The following PCDHGA5 variants were observed in gnomAD, a reference collection of about 807,000 sequenced individuals.
PCDHGA5 encodes the protein protocadherin gamma subfamily A, 5.
In PCDHGA5, 36 loss-of-function variants were observed where a neutral mutation model predicts 56.7. The observed-to-expected ratio is 0.64, with a 90% CI of 0.49 to 0.84. The LOEUF (loss-of-function observed/expected upper bound fraction) is 0.84, where lower values mean the gene tolerates loss of function less well. Ranked by LOEUF, PCDHGA5 falls within the 40% of genes least tolerant of loss-of-function variation. The probability of loss-of-function intolerance (pLI) is 0.00; values close to 1 mark genes in which losing one functional copy is unlikely to be tolerated. For synonymous variants in PCDHGA5, 563 were observed against 520.2 expected (o/e 1.08, Z -1.12); for missense variants, 1,305 against 1,201.5 (o/e 1.09, Z -1.27).
intron 1 of PCDHGA5, among the ~76,000 whole-genome samples, chr5:141,483,599 G>A (rs1419379218): frequency 6.6e-6 from 1 of 152,048 alleles, no homozygotes; most frequent in African/African-American, 2.4e-5. Flanking sequence ...GGTCAGGCTG[G>A]TTTACACCTC....
chr5:141,375,719 G>C (rs1478749716), intron 1 of PCDHGA5: 1 of 1,614,262 alleles, frequency 6.2e-7, no homozygotes, highest in South Asian at 1.1e-5. Flanking sequence ...TAGCAGCAAC[G>C]TGTCACTGAG....
At chr5:141,408,836 T>G in intron 1 of PCDHGA5, 1 of 1,613,680 alleles carries the variant, frequency 6.2e-7, no homozygotes, top group Non-Finnish European at 8.5e-7. Context: ...TAGCTTGATA[T>G]TGACTGCCTT....
rs751214480 is a variant in PCDHGA5, at chr5:141,485,161, G to A, written c.2422-9646G>A. ...CGTCTCAGGAGCAAGTAGAGAATTA[G>A]CGGGCGGCAGCAATGCTCCGCAAGG... On this transcript the variant is annotated intron_variant, in intron 1 of 3. Transcript: ENST00000518069. The surrounding 1 kb of genome is among the most constrained non-coding windows in gnomAD (Gnocchi z 5.7). The A allele has an allele frequency of 8.1e-6, 13 of 1,603,712 alleles. No individual in the cohort carries two copies. The Admixed American group carries it at 2.0e-4, about 25-fold the overall frequency.
intron 1 of PCDHGA5, chr5:141,421,453 T>G: frequency 1.2e-6 from 2 of 1,614,102 alleles, no homozygotes; most frequent in Middle Eastern, 1.6e-4. Context: ...GACACAGCTT[T>G]TCGCTGTGAA....
At position 141,364,245 on chromosome 5, in the gene PCDHGA5, A is replaced by G. The variant is rs1763237090; in HGVS notation, c.-86A>G. ...CCAACGCTCCACGCCCATTTTCGTC[A>G]GGGAATATGTACCCATCGGCTTTAG... On this transcript the variant is annotated 5_prime_UTR_variant, in exon 1 of 4. Coordinates refer to ENST00000518069, the MANE Select transcript of PCDHGA5 (RefSeq NM_018918.3). The G allele has an allele frequency of 1.4e-6, 2 of 1,460,650 alleles. No individual in the cohort carries two copies. The highest frequency in any genetic ancestry group is 9.1e-7 in the Non-Finnish European group (1 of 1,098,530). The allele number at this position is 1,460,650 out of a possible 1,614,324, so 90.5% of individuals were successfully genotyped here.
chr5:141,480,122 C>T (rs576224922), intron 1 of PCDHGA5, among the ~76,000 whole-genome samples: 1 of 151,948 alleles, frequency 6.6e-6, no homozygotes, highest in African/African-American at 2.4e-5. Flanking sequence ...CCTGGCATAT[C>T]ATAACTGTTA....
chr5:141,410,827 A>G lies in PCDHGA5; in HGVS notation c.2421+44076A>G. The G allele has an allele frequency of 1.4e-5, 6 of 440,972 alleles. No individual in the cohort carries two copies. The South Asian group carries it at 2.4e-4, about 18-fold the overall frequency. 27.3% of individuals were successfully genotyped at this position (440,972 alleles called of 1,614,324 possible). The stretch of plus-strand genomic sequence containing the variant: ...TCTTTTTGTAAAATAATGTCACCAG[A>G]CTGAAGATATTTTGTCTTTGTCTTT... On this transcript the variant is annotated intron_variant, in intron 1 of 3. Transcript: ENST00000518069.
In PCDHGA5 at chr5:141,385,425, T is replaced by C; in HGVS notation, c.2421+18674T>C. On this transcript the variant is annotated intron_variant, in intron 1 of 3. Coordinates refer to ENST00000518069, the MANE Select transcript of PCDHGA5 (RefSeq NM_018918.3). The stretch of plus-strand genomic sequence containing the variant: ...TTTTGAAAATAGGGATTTAAAAAAC[T>C]TTATAGAGGTAAAAATGAGTTTACC... The C allele has an allele frequency of 2.7e-6, 4 of 1,460,336 alleles. No individual in the cohort carries two copies. The South Asian group carries it at 4.4e-5, about 16-fold the overall frequency. The allele number at this position is 1,460,336 out of a possible 1,614,324, so 90.5% of individuals were successfully genotyped here. A position where few individuals can be genotyped will look rare whatever the true frequency, so the allele number is the denominator to read the frequency against.
chr5:141,384,666 C>CA, intron 1 of PCDHGA5: 2 of 1,614,220 alleles, frequency 1.2e-6, no homozygotes, highest in Non-Finnish European at 1.7e-6. Flanking sequence ...ACCTGGTGAC[C>CA]AAGGTGGTGG....
intron 1 of PCDHGA5, among the ~76,000 whole-genome samples, chr5:141,451,542 G>A (rs1023356681): frequency 3.3e-5 from 5 of 152,148 alleles, no homozygotes; most frequent in Non-Finnish European, 7.3e-5. Context: ...GCCAGAGAGG[G>A]CAAATGTGAT....
chr5:141,417,634 G>A, intron 1 of PCDHGA5: 1 of 721,778 alleles, frequency 1.4e-6, no homozygotes, highest in Non-Finnish European at 2.1e-6. Context: ...GCTGACGCCG[G>A]GGATCCCTCA....
At chr5:141,404,947 T>G (rs561446437) in intron 1 of PCDHGA5, 9 of 1,613,826 alleles carry the variant, frequency 5.6e-6, no homozygotes, top group Non-Finnish European at 7.6e-6. Flanking sequence ...TAGCCATAGC[T>G]GACAGCATCC....
chr5:141,428,037 C>T, intron 1 of PCDHGA5: 1 of 1,608,458 alleles, frequency 6.2e-7, no homozygotes, highest in South Asian at 1.1e-5. Context: ...GTCCGGCTAC[C>T]TGGTGACCAA....
At position 141,387,650 on chromosome 5, in the gene PCDHGA5, G is replaced by C. The variant is rs116225244; in HGVS notation, c.2421+20899G>C. 2,320 of 639,876 alleles carry C rather than the reference G, an allele frequency of 3.6e-3. 38 individuals are homozygous for C. The highest frequency in any genetic ancestry group is 0.034 in the African/African-American group (1,854 of 54,556). 39.6% of individuals were successfully genotyped at this position (639,876 alleles called of 1,614,324 possible). A position where few individuals can be genotyped will look rare whatever the true frequency, so the allele number is the denominator to read the frequency against. Reference sequence around the variant, plus strand: ...CTGGGCGCCGCTGTTGGCCAAAGTGGAGAGCTTGGCGCTCCAGATCTCCTC... The same window carrying C: ...CTGGGCGCCGCTGTTGGCCAAAGTGCAGAGCTTGGCGCTCCAGATCTCCTC... On this transcript the variant is annotated intron_variant, in intron 1 of 3. Coordinates refer to ENST00000518069, the MANE Select transcript of PCDHGA5 (RefSeq NM_018918.3).
rs565813908 is a variant in PCDHGA5 at position 141,503,968 on chromosome 5, G to A, written c.2481-1425G>A. Among the ~76,000 whole-genome samples, 14 of 152,182 alleles carry A rather than the reference G, an allele frequency of 9.2e-5. No homozygotes were observed. The South Asian group carries it at 2.7e-3, about 29-fold the overall frequency. ...GGCCTACCCTACAGCCTTTCCCATG[G>A]TGCCAAACCCTTCTTCTTACCTTAC... On this transcript the variant is annotated intron_variant, in intron 2 of 3. Transcript: ENST00000518069.
intron 1 of PCDHGA5, chr5:141,382,975 G>A (rs1459980689): frequency 6.2e-7 from 1 of 1,610,700 alleles, no homozygotes. Flanking sequence ...CCCCTGGGAA[G>A]CCTGGGCAGG....
chr5:141,375,476 A>G, intron 1 of PCDHGA5: 1 of 1,613,926 alleles, frequency 6.2e-7, no homozygotes, highest in Non-Finnish European at 8.5e-7. Context: ...CCTTGAAAAC[A>G]ACCCCAGGGG....
At chr5:141,457,280 A>T (rs964027392) in intron 1 of PCDHGA5, among the ~76,000 whole-genome samples, 1 of 152,196 alleles carries the variant, frequency 6.6e-6, no homozygotes, top group Non-Finnish European at 1.5e-5. Flanking sequence ...TGGGCCTACG[A>T]AGTTCCTTGG....
In PCDHGA5 at chr5:141,489,307, T is replaced by A; in HGVS notation, c.2422-5500T>A. On this transcript the variant is annotated intron_variant, in intron 1 of 3. Transcript: ENST00000518069. The surrounding 1 kb of genome is among the most constrained non-coding windows in gnomAD (Gnocchi z 4.5). ...AGTGCTGTGCATGTTGTCCTTGTGCTGCTGGGGCTGGGTGTCTGGGCAGCT... is the reference window on the plus strand; with the variant it reads ...AGTGCTGTGCATGTTGTCCTTGTGCAGCTGGGGCTGGGTGTCTGGGCAGCT... The A allele has an allele frequency of 6.3e-7, 1 of 1,591,138 alleles. No individual in the cohort carries two copies. The highest frequency in any genetic ancestry group is 8.6e-7 in the Non-Finnish European group (1 of 1,168,222).
Sources: gnomAD v4.1 joint callset for allele counts (sites outside exome capture counted in the v4.1 genomes callset) on GRCh38, gnomAD v4.1.1 for gene constraint, Gnocchi (gnomAD v3.1) non-coding constraint, MANE v1.5 for transcripts, NCBI Gene and HGNC (gene_info 2026-07-23, HGNC 2026-07-21) for gene names.